Variants in COL5A2 observed in about 807,000 individuals in gnomAD.
The protein encoded by COL5A2 is collagen alpha-2(V) chain.
Under a neutral mutation model 208.2 loss-of-function variants are expected in COL5A2, and 23 were observed. That is an observed-to-expected ratio of 0.11 (90% CI 0.08 to 0.16). The LOEUF is 0.16. Ranked by LOEUF, COL5A2 falls within the 10% of genes least tolerant of loss-of-function variation. COL5A2 has a pLI of 1.00. For synonymous variants in COL5A2, 625 were observed against 628.5 expected (o/e 0.99, Z 0.08); for missense variants, 1,590 against 1,956.4 (o/e 0.81, Z 3.53).
chr2:189,064,566 T>C lies in COL5A2; in HGVS notation c.1707A>G (p.Pro569=). The part of the protein sequence containing the change: ...DPGRPGEPGL[P]GARGLTGNPG... ...CTTGCTATATTCTTACCCGAGCACC[T>C]GGAAGCCCAGGTTCCCCTGGACGTC... The change falls in exon 25 of 54, where the codon CCA becomes CCG. Residue 569 remains proline, a synonymous_variant. Coordinates refer to ENST00000374866, the MANE Select transcript of COL5A2 (RefSeq NM_000393.5). The C allele has an allele frequency of 2.5e-6, 4 of 1,613,374 alleles. No homozygotes were observed. The highest frequency in any genetic ancestry group is 3.4e-6 in the Non-Finnish European group (4 of 1,179,428).
the COL5A2 span, among the ~76,000 whole-genome samples, chr2:189,298,670 A>C: frequency 1.3e-5 from 2 of 152,178 alleles, no homozygotes; most frequent in East Asian, 3.9e-4. Flanking sequence ...CAGGAAACAA[A>C]ATCCCAGCCA....
chr2:189,075,119 A>G (rs1376665872), intron 17 of COL5A2, among the ~76,000 whole-genome samples: 2 of 152,162 alleles, frequency 1.3e-5, no homozygotes, highest in South Asian at 2.1e-4. Context: ...TGCCCATTTT[A>G]TATATTAAAT....
chr2:189,034,872 T>A (rs757480201), intron 53 of COL5A2, 44 bp downstream of exon 53: 2 of 1,606,538 alleles, frequency 1.2e-6, no homozygotes, highest in Non-Finnish European at 8.5e-7. Context: ...ACAAAAATAA[T>A]TTTTTTTCCT....
the COL5A2 span, among the ~76,000 whole-genome samples, chr2:189,288,299 G>T: frequency 2.6e-4 from 39 of 152,248 alleles, no homozygotes; most frequent in Admixed American, 2.0e-3. Context: ...GGTATTAGGG[G>T]TTTTTTCTAT....
the COL5A2 span, among the ~76,000 whole-genome samples, chr2:189,335,493 C>T: frequency 6.6e-6 from 1 of 151,924 alleles, no homozygotes; most frequent in Non-Finnish European, 1.5e-5. Context: ...TTAAGGTTAC[C>T]CCAAACCTGA....
the COL5A2 span, among the ~76,000 whole-genome samples, chr2:189,313,851 C>A: frequency 1.8e-4 from 28 of 152,264 alleles, no homozygotes; most frequent in African/African-American, 6.7e-4. Flanking sequence ...TGAAGAAGGG[C>A]ATTACATAAT....
the COL5A2 span, among the ~76,000 whole-genome samples, chr2:189,411,579 A>G: frequency 6.6e-5 from 10 of 152,324 alleles, no homozygotes; most frequent in East Asian, 1.9e-3. Context: ...AGACTTTCAA[A>G]GTATTTCACA....
chr2:189,339,325 T>G, the COL5A2 span, among the ~76,000 whole-genome samples: 1 of 147,618 alleles, frequency 6.8e-6, no homozygotes, highest in East Asian at 2.0e-4. Flanking sequence ...CACTCCAGCC[T>G]ATACAACAGA....
intron 1 of COL5A2, among the ~76,000 whole-genome samples, chr2:189,138,216 C>T (rs1188793305): frequency 6.6e-6 from 1 of 152,092 alleles, no homozygotes; most frequent in Non-Finnish European, 1.5e-5. Flanking sequence ...CCTTGTGATC[C>T]ACCCTCCTCG....
intron 15 of COL5A2, 132 bp downstream of exon 15, chr2:189,078,931 C>G: frequency 1.3e-6 from 1 of 770,806 alleles, no homozygotes; most frequent in South Asian, 1.6e-5. Flanking sequence ...AGCTGGTAAT[C>G]AAGATTATTT....
At chr2:189,284,491 G>A in the COL5A2 span, among the ~76,000 whole-genome samples, 2 of 152,056 alleles carry the variant, frequency 1.3e-5, no homozygotes, top group African/African-American at 4.8e-5. Context: ...AGAGAAGGGG[G>A]AAATGCTACA....
rs760743320 is a variant in COL5A2, at chr2:189,062,923, T to C, written c.1924-5A>G. The C allele has an allele frequency of 4.3e-6, 7 of 1,614,058 alleles. 1 individual carries two copies. The South Asian group carries it at 7.7e-5, about 18-fold the overall frequency. On this transcript the variant is annotated splice_polypyrimidine_tract_variant and splice_region_variant and intron_variant, in intron 28 of 53. Coordinates refer to ENST00000374866, the MANE Select transcript of COL5A2 (RefSeq NM_000393.5). ...ACCATCTTTTCCAGGAGCTCCCTAG[T>C]ATCACACACAGATATTTGTGAGGTG...
the COL5A2 span, among the ~76,000 whole-genome samples, chr2:189,231,591 C>T: frequency 6.6e-6 from 1 of 151,580 alleles, no homozygotes; most frequent in African/African-American, 2.4e-5. Context: ...AAGCCTGACC[C>T]CCCAGCTTGA....
At chr2:189,294,696 T>C in the COL5A2 span, among the ~76,000 whole-genome samples, 1 of 152,234 alleles carries the variant, frequency 6.6e-6, no homozygotes, top group Non-Finnish European at 1.5e-5. Context: ...GAGCTAAAGC[T>C]ATATTGCAAT....
At chr2:189,287,184 T>C in the COL5A2 span, among the ~76,000 whole-genome samples, 1 of 151,570 alleles carries the variant, frequency 6.6e-6, no homozygotes, top group African/African-American at 2.4e-5. Context: ...AAAAAAAAAA[T>C]AGTACCAAAT....
At chr2:189,054,070 CAT>C (rs1289036003) in intron 36 of COL5A2, 87 bp downstream of exon 36, 7 of 1,399,922 alleles carry the variant, frequency 5.0e-6, no homozygotes, top group East Asian at 4.6e-5. Flanking sequence ...GCTCAGATAC[CAT>C]ATGTTATAAA....
intron 25 of COL5A2, 112 bp downstream of exon 25, chr2:189,064,445 A>G (rs981504466): frequency 7.9e-6 from 6 of 755,524 alleles, no homozygotes; most frequent in African/African-American, 1.7e-5. Flanking sequence ...AAACAAAGAA[A>G]TGTTCTAAAC....
At chr2:189,229,824 A>G (rs1428938798), upstream of COL5A2, among the ~76,000 whole-genome samples, 1 of 151,854 alleles carries the variant, frequency 6.6e-6, no homozygotes, top group Admixed American at 6.6e-5. Context: ...AGAAATAGAA[A>G]AAAATTCTAA....
chr2:189,323,678 A>C, the COL5A2 span, among the ~76,000 whole-genome samples: 1 of 152,240 alleles, frequency 6.6e-6, no homozygotes, highest in African/African-American at 2.4e-5. Flanking sequence ...AAGAGGACAC[A>C]AACAAATGGA....
Sources: gnomAD v4.1 joint callset for allele counts (sites outside exome capture counted in the v4.1 genomes callset) on GRCh38, gnomAD v4.1.1 for gene constraint, MANE v1.5 for transcripts, NCBI Gene and HGNC (gene_info 2026-07-23, HGNC 2026-07-21) for gene names.